Variants in ALKBH3 observed in about 807,000 individuals in gnomAD.
ALKBH3 encodes the protein alkB homolog 3, alpha-ketoglutarate dependent dioxygenase, also known as alpha-ketoglutarate-dependent dioxygenase alkB homolog 3.
Under a neutral mutation model 43.9 loss-of-function variants are expected in ALKBH3, and 51 were observed. The ratio of observed to expected loss-of-function variants is 1.16; its 90% confidence interval spans 0.93 to 1.47. The LOEUF is 1.47. Among genes scored for constraint, ALKBH3 ranks in the 40% most tolerant of loss-of-function variants. ALKBH3 has a pLI of 0.00. For missense variants in ALKBH3, 361 were observed against 351.9 expected (o/e 1.03, Z -0.21); for synonymous variants, 102 against 115.2 (o/e 0.89, Z 0.73).
chr11:43,910,941 C>T (rs1453749158), intron 8 of ALKBH3, among the ~76,000 whole-genome samples: 1 of 152,166 alleles, frequency 6.6e-6, no homozygotes, highest in African/African-American at 2.4e-5. Context: ...AATTAAACCC[C>T]TACTATGTGT....
At chr11:43,919,278 A>T in intron 9 of ALKBH3, 142 bp downstream of exon 9, 1 of 719,936 alleles carries the variant, frequency 1.4e-6, no homozygotes, top group Middle Eastern at 3.2e-4. Context: ...CTTTCCAAGG[A>T]GTTTTGCTAC....
At chr11:43,894,545 C>A (rs1951805353) in intron 7 of ALKBH3, among the ~76,000 whole-genome samples, 1 of 151,986 alleles carries the variant, frequency 6.6e-6, no homozygotes, top group Admixed American at 6.6e-5. Flanking sequence ...CCAAAAATAA[C>A]CCAGAAAAAA....
At chr11:43,890,060 A>C (rs1395450119) in intron 6 of ALKBH3, among the ~76,000 whole-genome samples, 4 of 152,206 alleles carry the variant, frequency 2.6e-5, no homozygotes. Context: ...TAGAGGTGAG[A>C]GTTCAAGGAA....
At chr11:43,887,133 A>G (rs1951751862) in intron 5 of ALKBH3, among the ~76,000 whole-genome samples, 1 of 152,256 alleles carries the variant, frequency 6.6e-6, no homozygotes, top group South Asian at 2.1e-4. Flanking sequence ...CTTATTTCAA[A>G]TAGGTAACTT....
At chr11:43,899,763 A>G (rs561911743) in intron 7 of ALKBH3, 2 of 224,906 alleles carry the variant, frequency 8.9e-6, no homozygotes, top group African/African-American at 4.6e-5. Flanking sequence ...ACCTTAACTC[A>G]ACAGCCATAG....
chr11:43,918,145 G>A (rs1951998522), intron 8 of ALKBH3, among the ~76,000 whole-genome samples: 1 of 152,220 alleles, frequency 6.6e-6, no homozygotes, highest in South Asian at 2.1e-4. Context: ...AAATCAGGAA[G>A]CTCAGATCTG....
At chr11:43,914,770 GACAA>G (rs1248057270) in intron 8 of ALKBH3, among the ~76,000 whole-genome samples, 2 of 152,060 alleles carry the variant, frequency 1.3e-5, no homozygotes, top group East Asian at 3.9e-4. Context: ...CAAAAAGTAT[GACAA>G]ACAAATGCCT....
chr11:43,897,044 C>T (rs1248703085), intron 7 of ALKBH3: 6 of 358,594 alleles, frequency 1.7e-5, no homozygotes, highest in Admixed American at 3.7e-5. Flanking sequence ...TGGGCTCAAG[C>T]GATCCTCCTG....
intron 5 of ALKBH3, among the ~76,000 whole-genome samples, chr11:43,887,606 C>G (rs1010714680): frequency 6.6e-6 from 1 of 151,928 alleles, no homozygotes; most frequent in African/African-American, 2.4e-5. Flanking sequence ...TGAGCCACCA[C>G]GTCTGGCCTG....
At chr11:43,917,889 G>T (rs1462191670) in intron 8 of ALKBH3, among the ~76,000 whole-genome samples, 2 of 152,166 alleles carry the variant, frequency 1.3e-5, no homozygotes, top group African/African-American at 4.8e-5. Context: ...GCTTGACAAA[G>T]TTACTGCCAA....
chr11:43,889,703 A>G lies in ALKBH3; in HGVS notation c.267-22A>G, dbSNP rs756747038. The G allele has an allele frequency of 1.6e-5, 26 of 1,605,690 alleles. No homozygotes were observed. The East Asian group carries it at 5.6e-4, about 34-fold the overall frequency. On this transcript the variant is annotated intron_variant, in intron 5 of 9. Coordinates refer to ENST00000302708, the MANE Select transcript of ALKBH3 (RefSeq NM_139178.4). ...TTATCTTTTCCATGTTTTTTGGTTA[A>G]CAATGTTCATTCTGCACCCAGGGTC... is the stretch of plus-strand genomic sequence containing the variant.
At chr11:43,904,341 T>C (rs1951882285) in intron 8 of ALKBH3, among the ~76,000 whole-genome samples, 1 of 152,266 alleles carries the variant, frequency 6.6e-6, no homozygotes, top group Non-Finnish European at 1.5e-5. Flanking sequence ...CTTCAGGTTG[T>C]TGACTGTAGT....
At position 43,892,129 on chromosome 11, in the gene ALKBH3, C is replaced by T. The variant is rs1268112542; in HGVS notation, c.459C>T (p.His153=). 8.1e-6 allele frequency: 13 copies of T among 1,599,376 alleles called. No homozygotes were observed. Among genetic ancestry groups the T allele is most frequent in the Middle Eastern group, 1.7e-4 (1 of 6,032 alleles). The change falls in exon 7 of 10, where the codon CAC becomes CAT. Residue 153 remains histidine, a splice_region_variant and synonymous_variant. Transcript: ENST00000302708. ...YSRITMEPNP[H]WHPVLRTLKN... Reference sequence around the variant, plus strand: ...GAATCACTATGGAACCAAATCCTCACGTATGTCAACATATTGTCATTGGTA... The same window carrying T: ...GAATCACTATGGAACCAAATCCTCATGTATGTCAACATATTGTCATTGGTA...
At chr11:43,900,968 T>C (rs534845376) in intron 7 of ALKBH3, among the ~76,000 whole-genome samples, 3 of 152,346 alleles carry the variant, frequency 2.0e-5, no homozygotes, top group East Asian at 3.9e-4. Flanking sequence ...CTTTAGGTTA[T>C]GTTTTTTGGA....
At chr11:43,886,694 A>T in intron 5 of ALKBH3, 41 bp downstream of exon 5, 1 of 1,587,026 alleles carries the variant, frequency 6.3e-7, no homozygotes, top group East Asian at 2.2e-5. Flanking sequence ...ATTATCACTG[A>T]GTTATAGTCT....
rs184103610 is a variant in ALKBH3, at chr11:43,894,871, A to T, written c.459+2742A>T. Among the ~76,000 whole-genome samples, 860 of 146,286 alleles carry T rather than the reference A, an allele frequency of 5.9e-3. 9 individuals are homozygous for T. The highest frequency in any genetic ancestry group is 0.02 in the African/African-American group (804 of 39,660). On this transcript the variant is annotated intron_variant, in intron 7 of 9. Transcript: ENST00000302708. ...GTTTTATGAGTGTGGATCTCATGTT[A>T]TGTGTTTTTCTACCACAATAAAAAA... is the stretch of plus-strand genomic sequence containing the variant.
intron 8 of ALKBH3, among the ~76,000 whole-genome samples, chr11:43,914,669 C>A (rs184107534): frequency 1.3e-5 from 2 of 152,228 alleles, no homozygotes; most frequent in East Asian, 3.9e-4. Flanking sequence ...AAAGAAAGGT[C>A]AGTAGAGTTG....
At chr11:43,884,960 T>A (rs903860855) in intron 4 of ALKBH3, among the ~76,000 whole-genome samples, 3 of 151,798 alleles carry the variant, frequency 2.0e-5, no homozygotes, top group African/African-American at 7.3e-5. Flanking sequence ...CTCCCTATGT[T>A]GCCTGGGCTG....
chr11:43,886,447 A>G (rs753697104), intron 4 of ALKBH3, among the ~76,000 whole-genome samples, 159 bp from the exon 5 acceptor site: 12 of 152,170 alleles, frequency 7.9e-5, no homozygotes, highest in Non-Finnish European at 1.6e-4. Flanking sequence ...ATATACCATG[A>G]TCTTCTCAGT....
Sources: allele counts gnomAD v4.1 joint callset (sites outside exome capture counted in the v4.1 genomes callset), GRCh38; gene constraint gnomAD v4.1.1; transcripts MANE v1.5; gene names NCBI Gene and HGNC (gene_info 2026-07-23, HGNC 2026-07-21).